NBEAL2: variants seen among roughly 807,000 people sequenced by gnomAD.
NBEAL2 encodes neurobeachin like 2.
A neutral mutation model predicts 299.8 loss-of-function variants in NBEAL2; 160 were observed. That is an observed-to-expected ratio of 0.53 (90% CI 0.47 to 0.61). The LOEUF (loss-of-function observed/expected upper bound fraction) is 0.61, where lower values mean the gene tolerates loss of function less well. Among genes scored for constraint, NBEAL2 ranks in the 20% least tolerant of loss-of-function variants. The pLI is 0.00. For synonymous variants in NBEAL2, 1,493 were observed against 1,542.3 expected, an observed-to-expected ratio of 0.97 and a Z score of 0.75; for missense variants, 3,112 against 3,649.0, an observed-to-expected ratio of 0.85 and a Z score of 3.79.
chr3:46,991,523 C>G lies in NBEAL2; in HGVS notation c.760C>G (p.Leu254Val). Residue 254 changes from leucine to valine, a missense_variant, in exon 8 of 54, where the codon CTG becomes GTG. By Grantham distance (32) the Leu-to-Val change is conservative (BLOSUM62 1). Around this residue, in one of 3 missense-constraint regions of NBEAL2, gnomAD observed 2,243 missense variants for 2,538.1 expected, o/e 0.88. Coordinates refer to ENST00000450053, the MANE Select transcript of NBEAL2 (RefSeq NM_015175.3). This position sits in a 1 kb window ranked among gnomAD's most constrained non-coding sequence, Gnocchi z 6.2. ...CCTAGTGCCACTGGCTCTAGAGGCACTGGTAGGTGCAGTCCATGTCTTGCA... is the reference window on the plus strand; with the variant it reads ...CCTAGTGCCACTGGCTCTAGAGGCAGTGGTAGGTGCAGTCCATGTCTTGCA... The part of the protein sequence containing the change: ...PCLVPLALEA[L>V]VGAVHVLHAS... The G allele has an allele frequency of 6.2e-7, 1 of 1,610,408 alleles. No individual in the cohort carries two copies. The highest frequency in any genetic ancestry group is 2.2e-5 in the East Asian group (1 of 44,874).
At position 46,999,005 on chromosome 3, in the gene NBEAL2, T is replaced by A. The variant is rs1280685530; in HGVS notation, c.3431T>A (p.Leu1144Gln). Reference sequence around the variant, plus strand: ...CTGCTGGCCCTGCTGCACGGTTCCCTGGTGCAGGAGTCCTTGGCTGTCTTT... The same window carrying A: ...CTGCTGGCCCTGCTGCACGGTTCCCAGGTGCAGGAGTCCTTGGCTGTCTTT... Reference protein sequence around the residue: ...DLLLALLHGSLVQESLAVFLL... With the variant: ...DLLLALLHGSQVQESLAVFLL... The change falls in exon 24 of 54, where the codon CTG becomes CAG. Residue 1144 changes from leucine to glutamine, a missense_variant. Physicochemically the swap from Leu to Gln is moderately radical, Grantham distance 113. This residue lies in a region of NBEAL2 where 2,243 missense variants were observed against 2,538.1 expected (regional missense o/e 0.88). Coordinates refer to ENST00000450053, the MANE Select transcript of NBEAL2 (RefSeq NM_015175.3). 8 of 1,606,354 alleles carry A rather than the reference T, an allele frequency of 5.0e-6. No homozygotes were observed. The African/African-American group carries it at 9.4e-5, about 19-fold the overall frequency.
chr3:46,992,467 C>T lies in NBEAL2; in HGVS notation c.1033-8C>T. ...TCCTCCACCCTGTGCCTCCCCACTT[C>T]CCCACAGCTGTACCTGCAGTCCCGG... On this transcript the variant is annotated splice_region_variant and splice_polypyrimidine_tract_variant and intron_variant, in intron 9 of 53. Transcript: ENST00000450053. The T allele has an allele frequency of 6.2e-7, 1 of 1,603,312 alleles. No individual in the cohort carries two copies. Among genetic ancestry groups the T allele is most frequent in the African/African-American group, 1.3e-5 (1 of 74,644 alleles).
intron 11 of NBEAL2, 52 bp from the exon 12 acceptor site, chr3:46,994,403 T>C: frequency 6.7e-7 from 1 of 1,491,952 alleles, no homozygotes; most frequent in Non-Finnish European, 9.1e-7. Flanking sequence ...GGTCTGAGTT[T>C]GCCCTCCGGC....
Position 47,008,602 on chromosome 3 carries a change from C to CG in NBEAL2, c.7963dup (p.Val2655GlyfsTer67), listed in dbSNP as rs1425160254. 6.2e-7 allele frequency: 1 copy of CG among 1,613,500 alleles called. No homozygotes were observed. The highest frequency in any genetic ancestry group is 1.7e-5 in the Admixed American group (1 of 59,996). ...CTGGCAGAGCAGCCTACAGCCCTGA[C>CG]GGTGACAGAGGACTTTGTGTTGCTG... On this transcript the variant is annotated frameshift_variant, in exon 52 of 54. Transcript: ENST00000450053. LOFTEE classifies it high-confidence loss of function.
chr3:47,003,438 G>A lies in NBEAL2; in HGVS notation c.5720+129G>A, dbSNP rs2037187658. 2 of 1,353,678 alleles carry A rather than the reference G, an allele frequency of 1.5e-6. No homozygotes were observed. The highest frequency in any genetic ancestry group is 2.4e-5 in the East Asian group (1 of 41,762). The allele number at this position is 1,353,678 out of a possible 1,614,324, so 83.9% of individuals were successfully genotyped here. A position where few individuals can be genotyped will look rare whatever the true frequency, so the allele number is the denominator to read the frequency against. On this transcript the variant is annotated intron_variant, in intron 35 of 53. Transcript: ENST00000450053. The surrounding 1 kb of genome is among the most constrained non-coding windows in gnomAD (Gnocchi z 7.0). ...GCTGCCCGACTACGTCCCCCTGAAG[G>A]GACTGTCCAAAGCCAGATGGTGAGT... is the stretch of plus-strand genomic sequence containing the variant.
chr3:47,007,346 C>T lies in NBEAL2; in HGVS notation c.7330C>T (p.His2444Tyr). The change falls in exon 47 of 54, where the codon CAC (histidine) becomes TAC (tyrosine). Residue 2444 changes from histidine to tyrosine, a missense_variant. Around this residue, in one of 3 missense-constraint regions of NBEAL2, gnomAD observed 521 missense variants for 729.6 expected, o/e 0.71. Transcript: ENST00000450053. ...SFSKDPTMGS[H>Y]KTQRLLSGPW... Reference sequence around the variant, plus strand: ...CAGCAAAGACCCCACCATGGGCAGCCACAAGTAGGACAGAGGGCTGTGGGT... The same window carrying T: ...CAGCAAAGACCCCACCATGGGCAGCTACAAGTAGGACAGAGGGCTGTGGGT... 1 of 1,604,886 alleles carries T rather than the reference C, an allele frequency of 6.2e-7. No homozygotes were observed. The highest frequency in any genetic ancestry group is 1.3e-5 in the African/African-American group (1 of 74,816).
Position 47,003,951 on chromosome 3 carries a change from C to T in NBEAL2, c.5856C>T (p.Ser1952=). The T allele has an allele frequency of 1.9e-6, 3 of 1,613,474 alleles. No homozygotes were observed. The highest frequency in any genetic ancestry group is 2.5e-6 in the Non-Finnish European group (3 of 1,179,648). Residue 1952 remains serine (S), a synonymous_variant, in exon 36 of 54, where the codon AGC becomes AGT. Coordinates refer to ENST00000450053, the MANE Select transcript of NBEAL2 (RefSeq NM_015175.3). This position sits in a 1 kb window ranked among gnomAD's most constrained non-coding sequence, Gnocchi z 7.0. ...AGAATGTATACTTCTACGATGGCAG[C>T]ACTGAGCGCGTGGAAACCGAGGAGG... The part of the protein sequence containing the change: ...TTQNVYFYDG[S]TERVETEEGI...
Position 47,002,636 on chromosome 3 carries a change from C to T in NBEAL2, c.5302-9C>T. 2 of 1,608,408 alleles carry T rather than the reference C, an allele frequency of 1.2e-6. No individual in the cohort carries two copies. Among genetic ancestry groups the T allele is most frequent in the Non-Finnish European group, 1.7e-6 (2 of 1,178,362 alleles). ...CAGCCAGGGGACTGACCTATTACCCCCACCCCAGGAGCTGGTGCTGGAACC... is the reference window on the plus strand; with the variant it reads ...CAGCCAGGGGACTGACCTATTACCCTCACCCCAGGAGCTGGTGCTGGAACC... On this transcript the variant is annotated splice_polypyrimidine_tract_variant and intron_variant, in intron 32 of 53. Coordinates refer to ENST00000450053, the MANE Select transcript of NBEAL2 (RefSeq NM_015175.3).
At chr3:46,992,590 C>G (rs1363201714) in intron 10 of NBEAL2, 35 bp downstream of exon 10, 1 of 1,539,428 alleles carries the variant, frequency 6.5e-7, no homozygotes. Context: ...CAGACACCCC[C>G]TGGGACTCCC....
At position 47,009,559 on chromosome 3, in the gene NBEAL2, CA is replaced by C; in HGVS notation, c.*240del. The C allele has an allele frequency of 1.8e-6, 1 of 557,980 alleles. No individual in the cohort carries two copies. The highest frequency in any genetic ancestry group is 2.2e-5 in the South Asian group (1 of 45,772). The allele number at this position is 557,980 out of a possible 1,614,324, so 34.6% of individuals were successfully genotyped here. On this transcript the variant is annotated 3_prime_UTR_variant, in exon 54 of 54. Coordinates refer to ENST00000450053, the MANE Select transcript of NBEAL2 (RefSeq NM_015175.3). ...CCAGCACTGGCGTCTGCGGCCGCAGCAGCACTTTTTGCACAGTCTGGGGCGG... is the reference window on the plus strand; with the variant it reads ...CCAGCACTGGCGTCTGCGGCCGCAGCGCACTTTTTGCACAGTCTGGGGCGG...
At position 47,002,999 on chromosome 3, in the gene NBEAL2, A is replaced by G; in HGVS notation, c.5502A>G (p.Thr1834=). 1.2e-6 allele frequency: 2 copies of G among 1,613,484 alleles called. No homozygotes were observed. Among genetic ancestry groups the G allele is most frequent in the Non-Finnish European group, 1.7e-6 (2 of 1,179,840 alleles). ...GCTGGAAACTGTCCAGCGCCGAGAC[A>G]TATTCACGCATGCGTCTGAAGCTGG... ...IPRWKLSSAE[T]YSRMRLKLVP... is the part of the protein sequence containing the mutation. Residue 1834 remains threonine (T), a synonymous_variant, in exon 34 of 54, where the codon ACA becomes ACG. Coordinates refer to ENST00000450053, the MANE Select transcript of NBEAL2 (RefSeq NM_015175.3).
rs2037051616 is a variant in NBEAL2, at chr3:47,002,096, A to C, written c.4959A>C (p.Ala1653=). The C allele has an allele frequency of 6.4e-7, 1 of 1,550,644 alleles. No individual in the cohort carries two copies. Among genetic ancestry groups the C allele is most frequent in the South Asian group, 1.2e-5 (1 of 84,488 alleles). The change falls in exon 31 of 54, where the codon GCA becomes GCC. Residue 1653 remains alanine, a synonymous_variant. Coordinates refer to ENST00000450053, the MANE Select transcript of NBEAL2 (RefSeq NM_015175.3). ...DEAGSPLAAA[A]AAAAAERCSW... is the part of the protein sequence containing the mutation. ...CAGGGTCCCCACTTGCAGCTGCAGC[A>C]GCTGCAGCAGCTGCAGAGCGCTGCT...
intron 17 of NBEAL2, 26 bp from the exon 18 acceptor site, chr3:46,996,928 C>T (rs1313792491): frequency 6.2e-7 from 1 of 1,611,006 alleles, no homozygotes; most frequent in East Asian, 2.2e-5. Context: ...CTGACCCTGG[C>T]TGCCTGCCCA....
chr3:47,007,203 T>C, intron 46 of NBEAL2, 38 bp from the exon 47 acceptor site: 1 of 1,610,070 alleles, frequency 6.2e-7, no homozygotes. Context: ...CCCCCTTGCC[T>C]CTGCCAGAAA....
chr3:47,004,639 A>G lies in NBEAL2; in HGVS notation c.6294+49A>G. The stretch of plus-strand genomic sequence containing the variant: ...TCCACCCCTGCCCCTCTGACCTGTC[A>G]GCCCTTGGTTCCCCCAAGTGTAGGT... On this transcript the variant is annotated intron_variant, in intron 38 of 53. Coordinates refer to ENST00000450053, the MANE Select transcript of NBEAL2 (RefSeq NM_015175.3). This position sits in a 1 kb window ranked among gnomAD's most constrained non-coding sequence, Gnocchi z 5.0. The G allele has an allele frequency of 6.4e-7, 1 of 1,570,922 alleles. No homozygotes were observed. Among genetic ancestry groups the G allele is most frequent in the Non-Finnish European group, 8.8e-7 (1 of 1,142,052 alleles).
In NBEAL2 at chr3:47,008,579, G is replaced by A; in HGVS notation, c.7938G>A (p.Leu2646=). 6.2e-7 allele frequency: 1 copy of A among 1,613,666 alleles called. No homozygotes were observed. Among genetic ancestry groups the A allele is most frequent in the Non-Finnish European group, 8.5e-7 (1 of 1,179,862 alleles). The stretch of plus-strand genomic sequence containing the variant: ...GGAAGTTGCGGGCTTCACTGCCCCT[G>A]GCAGAGCAGCCTACAGCCCTGACGG... The part of the protein sequence containing the change: ...VNGKLRASLP[L]AEQPTALTVT... Residue 2646 remains leucine (L), a synonymous_variant, in exon 52 of 54, where the codon CTG becomes CTA. Coordinates refer to ENST00000450053, the MANE Select transcript of NBEAL2 (RefSeq NM_015175.3).
At position 46,991,634 on chromosome 3, in the gene NBEAL2, G is replaced by A; in HGVS notation, c.871G>A (p.Gly291Ser). The A allele has an allele frequency of 1.9e-6, 3 of 1,599,842 alleles. No individual in the cohort carries two copies. Among genetic ancestry groups the A allele is most frequent in the African/African-American group, 1.3e-5 (1 of 75,046 alleles). The change falls in exon 8 of 54, where the codon GGT becomes AGT. Residue 291 changes from glycine to serine, a missense_variant. Gly to Ser is a moderately conservative substitution (Grantham distance 56). Coordinates refer to ENST00000450053, the MANE Select transcript of NBEAL2 (RefSeq NM_015175.3). The surrounding 1 kb of genome is among the most constrained non-coding windows in gnomAD (Gnocchi z 6.2). ...FHVLNADWPA[G>S]LSSGPEEALV... ...TGTCCTTAATGCTGACTGGCCAGCT[G>A]GTCTGAGCTCAGGCCCCGAAGAGGC...
At position 47,002,087 on chromosome 3, in the gene NBEAL2, A is replaced by AGCTGCAGCAGCTGCAGCAGCTGCAGAGC; in HGVS notation, c.4956_4983dup (p.Trp1663SerfsTer24). The AGCTGCAGCAGCTGCAGCAGCTGCAGAGC allele has an allele frequency of 2.6e-6, 4 of 1,547,178 alleles. No homozygotes were observed. The highest frequency in any genetic ancestry group is 1.4e-5 in the African/African-American group (1 of 73,106). On this transcript the variant is annotated frameshift_variant, in exon 31 of 54. Coordinates refer to ENST00000450053, the MANE Select transcript of NBEAL2 (RefSeq NM_015175.3). LOFTEE classifies it high-confidence loss of function. The stretch of plus-strand genomic sequence containing the variant: ...CTGATGAGGCAGGGTCCCCACTTGC[A>AGCTGCAGCAGCTGCAGCAGCTGCAGAGC]GCTGCAGCAGCTGCAGCAGCTGCAG...
In NBEAL2 at chr3:46,998,732, C is replaced by T; in HGVS notation, c.3237C>T (p.Arg1079=). 1.9e-6 allele frequency: 3 copies of T among 1,576,818 alleles called. No homozygotes were observed. The highest frequency in any genetic ancestry group is 1.3e-5 in the African/African-American group (1 of 74,374). Residue 1079 remains arginine (R), a synonymous_variant, in exon 23 of 54, where the codon CGC becomes CGT. Transcript: ENST00000450053. The part of the protein sequence containing the change: ...LRTHYSPQRE[R]PLAADDLRTV... ...GACCTGCCAGCCCGCAGCGGGAGCGCCCCCTGGCTGCTGACGACCTACGCA... is the reference window on the plus strand; with the variant it reads ...GACCTGCCAGCCCGCAGCGGGAGCGTCCCCTGGCTGCTGACGACCTACGCA...
Sources: allele counts gnomAD v4.1 joint callset, GRCh38; gene constraint gnomAD v4.1.1; regional missense constraint gnomAD v4.1.1; non-coding constraint Gnocchi (gnomAD v3.1); transcripts MANE v1.5; gene names NCBI Gene and HGNC (gene_info 2026-07-23, HGNC 2026-07-21).